NALF1: variants seen among roughly 807,000 people sequenced by gnomAD.
NALF1 encodes family with sequence similarity 155 member A.
Under a neutral mutation model 48.4 loss-of-function variants are expected in NALF1, and 3 were observed. The observed-to-expected ratio is 0.06, with a 90% CI of 0.03 to 0.16. The LOEUF is 0.16. NALF1 is among the 10% of genes least tolerant of loss of function. NALF1 has a pLI of 1.00. For missense variants in NALF1, 526 were observed against 571.5 expected (o/e 0.92, Z 0.81); for synonymous variants, 262 against 245.7 (o/e 1.07, Z -0.62).
At chr13:107,557,705 T>C (rs112796105) in intron 1 of NALF1, among the ~76,000 whole-genome samples, 34 of 152,130 alleles carry the variant, frequency 2.2e-4, no homozygotes, top group African/African-American at 7.7e-4. Flanking sequence ...ACCCAGAAAG[T>C]TTCGGTGGTT....
chr13:107,682,355 G>A (rs971840251), intron 1 of NALF1, among the ~76,000 whole-genome samples: 1 of 152,084 alleles, frequency 6.6e-6, no homozygotes, highest in South Asian at 2.1e-4. Flanking sequence ...TGGGACTCAC[G>A]GCCCACCCTC....
chr13:107,775,176 G>C (rs1877690037), intron 1 of NALF1, among the ~76,000 whole-genome samples: 2 of 151,564 alleles, frequency 1.3e-5, no homozygotes, highest in Admixed American at 1.3e-4. Context: ...TCTAGCATTA[G>C]GTATATCTCC....
At chr13:107,410,044 G>A (rs1474122279) in intron 1 of NALF1, among the ~76,000 whole-genome samples, 1 of 152,206 alleles carries the variant, frequency 6.6e-6, no homozygotes, top group African/African-American at 2.4e-5. Flanking sequence ...TGAACCATCA[G>A]CTCTCAAGGA....
intron 1 of NALF1, among the ~76,000 whole-genome samples, chr13:107,719,240 T>C (rs190816525): frequency 1.3e-5 from 2 of 152,336 alleles, no homozygotes; most frequent in East Asian, 1.9e-4. Context: ...TGTTGTTTTC[T>C]AGTTAGCAAG....
In NALF1 at chr13:107,516,305, C is replaced by A. The variant is rs1876049166; in HGVS notation, c.916-305550G>T. ...AGAATAAAGGCCATATAAACTAACT[C>A]ATCAGTGTGGCAGAAAGCATTGTGT... On this transcript the variant is annotated intron_variant, in intron 1 of 2. Transcript: ENST00000375915. 3.9e-5 allele frequency among the ~76,000 whole-genome samples: 6 copies of A among 152,126 alleles called. No individual in the cohort carries two copies. In the South Asian group the frequency reaches 1.2e-3, roughly 31 times the overall value.
chr13:107,408,796 G>A (rs1883943045), intron 1 of NALF1, among the ~76,000 whole-genome samples: 1 of 152,092 alleles, frequency 6.6e-6, no homozygotes, highest in Non-Finnish European at 1.5e-5. Flanking sequence ...GATATAGGGG[G>A]AGATTGTTAT....
chr13:107,705,289 C>T (rs190380996), intron 1 of NALF1, among the ~76,000 whole-genome samples: 16 of 152,218 alleles, frequency 1.1e-4, no homozygotes, highest in Admixed American at 1.0e-3. Context: ...TGTGCTTTGC[C>T]ACAATGAATT....
intron 2 of NALF1, among the ~76,000 whole-genome samples, chr13:107,201,774 C>A (rs1430972404): frequency 6.6e-6 from 1 of 152,134 alleles, no homozygotes; most frequent in Non-Finnish European, 1.5e-5. Flanking sequence ...CAAAAAAAGA[C>A]TAAAACATGG....
At chr13:107,295,438 T>C (rs896470491) in intron 1 of NALF1, among the ~76,000 whole-genome samples, 2 of 152,204 alleles carry the variant, frequency 1.3e-5, no homozygotes, top group Non-Finnish European at 2.9e-5. Context: ...GTGAATAGTA[T>C]GCAGTGCATT....
intron 1 of NALF1, among the ~76,000 whole-genome samples, chr13:107,782,594 A>G (rs1483487578): frequency 2.1e-5 from 3 of 141,658 alleles, no homozygotes; most frequent in African/African-American, 8.1e-5. Flanking sequence ...CTGCCATCCC[A>G]TCTAGGAAGT....
chr13:107,535,672 A>ATGCCATC (rs1008001462), intron 1 of NALF1, among the ~76,000 whole-genome samples: 1 of 152,192 alleles, frequency 6.6e-6, no homozygotes, highest in African/African-American at 2.4e-5. Context: ...TATAGATTTA[A>ATGCCATC]TGCCATCCCC....
At chr13:107,204,958 T>C (rs1407563358) in intron 2 of NALF1, among the ~76,000 whole-genome samples, 2 of 150,958 alleles carry the variant, frequency 1.3e-5, no homozygotes, top group Non-Finnish European at 3.0e-5. Flanking sequence ...TCTATAGAGG[T>C]ATTTTTTTTT....
At chr13:107,375,867 C>T (rs1883326581) in intron 1 of NALF1, among the ~76,000 whole-genome samples, 1 of 151,974 alleles carries the variant, frequency 6.6e-6, no homozygotes, top group African/African-American at 2.4e-5. Context: ...AAGCCAGCCT[C>T]CAAAGTGACC....
At chr13:107,723,489 G>A (rs1260339944) in intron 1 of NALF1, among the ~76,000 whole-genome samples, 1 of 152,116 alleles carries the variant, frequency 6.6e-6, no homozygotes, top group Non-Finnish European at 1.5e-5. Flanking sequence ...GAATGAATGA[G>A]AGCATGTGAC....
At chr13:107,667,233 G>T (rs1214370520) in intron 1 of NALF1, among the ~76,000 whole-genome samples, 2 of 151,818 alleles carry the variant, frequency 1.3e-5, no homozygotes, top group Admixed American at 1.3e-4. Flanking sequence ...TTTAAAGTTG[G>T]AGAGTCAATA....
intron 1 of NALF1, among the ~76,000 whole-genome samples, chr13:107,553,914 A>G (rs1156376842): frequency 6.6e-6 from 1 of 152,170 alleles, no homozygotes; most frequent in Non-Finnish European, 1.5e-5. Context: ...TGCCTGGCAA[A>G]GTCCACATCG....
chr13:107,182,618 A>C (rs549328026), intron 2 of NALF1, among the ~76,000 whole-genome samples: 1 of 152,282 alleles, frequency 6.6e-6, no homozygotes, highest in Non-Finnish European at 1.5e-5. Flanking sequence ...TGTGAAATTC[A>C]TGCTGTTATT....
At chr13:107,583,277 G>T (rs987902098) in intron 1 of NALF1, among the ~76,000 whole-genome samples, 1 of 151,930 alleles carries the variant, frequency 6.6e-6, no homozygotes, top group Non-Finnish European at 1.5e-5. Flanking sequence ...TTGCAAGAAT[G>T]AGTTTAATGA....
chr13:107,622,528 T>C (rs773825681), intron 1 of NALF1, among the ~76,000 whole-genome samples: 40 of 151,864 alleles, frequency 2.6e-4, no homozygotes, highest in Non-Finnish European at 4.9e-4. Flanking sequence ...CTCTGTTCCA[T>C]TGATAATCTG....
Sources: gnomAD v4.1 joint callset for allele counts (sites outside exome capture counted in the v4.1 genomes callset) on GRCh38, gnomAD v4.1.1 for gene constraint, MANE v1.5 for transcripts, NCBI Gene and HGNC (gene_info 2026-07-23, HGNC 2026-07-21) for gene names.